DNAH7: variants seen among roughly 807,000 people sequenced by gnomAD.
DNAH7 encodes the protein axonemal beta dynein heavy chain 7.
DNAH7 carries 397 observed loss-of-function variants against 444.6 expected under a neutral mutation model. The ratio of observed to expected loss-of-function variants is 0.89; its 90% CI spans 0.82 to 0.97. The LOEUF is 0.97. Among genes scored for constraint, DNAH7 ranks in the 50% least tolerant of loss-of-function variants. DNAH7 has a pLI of 0.00. For synonymous variants in DNAH7, 1,636 were observed against 1,624.4 expected (o/e 1.01, Z -0.17); for missense variants, 4,902 against 4,800.8 (o/e 1.02, Z -0.62).
rs1702423523 is a variant in DNAH7 at position 195,897,866 on chromosome 2, A to G, written c.4549-101T>C. On this transcript the variant is annotated intron_variant, in intron 28 of 64. Coordinates refer to ENST00000312428, the MANE Select transcript of DNAH7 (RefSeq NM_018897.3). ...CACAAACCTACAGACCCTGTAACTC[A>G]GTTTAAACAAATGCAGCTCTTCTTT... 28 of 523,284 alleles carry G rather than the reference A, an allele frequency of 5.4e-5. No individual in the cohort carries two copies. The South Asian group carries it at 1.0e-3, about 19-fold the overall frequency. The allele number at this position is 523,284 out of a possible 1,614,324, so 32.4% of individuals were successfully genotyped here.
intron 37 of DNAH7, 85 bp from the exon 38 acceptor site, chr2:195,875,928 T>A: frequency 7.8e-7 from 1 of 1,278,080 alleles, no homozygotes; most frequent in Non-Finnish European, 1.1e-6. Context: ...AGGCAAATAC[T>A]TAGCTATCTA....
rs1395113636 is a variant in DNAH7 at position 195,855,983 on chromosome 2, T to C, written c.8423A>G (p.Lys2808Arg). 6.2e-7 allele frequency: 1 copy of C among 1,608,630 alleles called. No individual in the cohort carries two copies. The highest frequency in any genetic ancestry group is 8.5e-7 in the Non-Finnish European group (1 of 1,178,116). The part of the protein sequence containing the change: ...IAMDSYDKVA[K>R]IVAPKKIKLA... ...TTTTATCTTTTTGGGAGCTACTATT[T>C]TTGCCACTCTGCAAAAAGTAAAATT... The change falls in exon 45 of 65, where the codon AAA (lysine) becomes AGA (arginine). Residue 2808 changes from lysine (K) to arginine (R), a missense_variant. Physicochemically the swap from Lys to Arg is conservative, Grantham distance 26. Transcript: ENST00000312428.
rs1283252901 is a variant in DNAH7, at chr2:195,957,454, A to G, written c.2892-7T>C. 2 of 1,518,540 alleles carry G rather than the reference A, an allele frequency of 1.3e-6. No homozygotes were observed. Among genetic ancestry groups the G allele is most frequent in the African/African-American group, 2.8e-5 (2 of 72,716 alleles). 94.1% of individuals were successfully genotyped at this position (1,518,540 alleles called of 1,614,324 possible). On this transcript the variant is annotated splice_region_variant and splice_polypyrimidine_tract_variant and intron_variant, in intron 18 of 64. Coordinates refer to ENST00000312428, the MANE Select transcript of DNAH7 (RefSeq NM_018897.3). ...GAGCTTGCCCTCCCATTCTCTGAGG[A>G]GCAAAACACAGTGGCTCTTACTGAC...
At chr2:196,054,524 A>C (rs549873342) in intron 2 of DNAH7, among the ~76,000 whole-genome samples, 1 of 152,196 alleles carries the variant, frequency 6.6e-6, no homozygotes, top group African/African-American at 2.4e-5. Flanking sequence ...CTGTCTTTAA[A>C]TAAATAAAAT....
rs1367581688 is a variant in DNAH7 at position 195,778,639 on chromosome 2, AAT to A, written c.10879-656_10879-655del. Among the ~76,000 whole-genome samples the A allele has an allele frequency of 7.7e-3, 399 of 51,680 alleles. 71 individuals carry two copies. The highest frequency in any genetic ancestry group is 0.01 in the Non-Finnish European group (309 of 29,992). 33.9% of individuals were successfully genotyped at this position (51,680 alleles called of 152,430 possible). A position where few individuals can be genotyped will look rare whatever the true frequency, so the allele number is the denominator to read the frequency against. On this transcript the variant is annotated intron_variant, in intron 58 of 64. Coordinates refer to ENST00000312428, the MANE Select transcript of DNAH7 (RefSeq NM_018897.3). ...GTCTGAAAAAAAAAAAAAATAAATA[AAT>A]AAATATATATATATATATATATATA...
chr2:195,979,004 C>T (rs1692386227), intron 15 of DNAH7, among the ~76,000 whole-genome samples: 1 of 151,666 alleles, frequency 6.6e-6, no homozygotes, highest in Non-Finnish European at 1.5e-5. Context: ...TTTCAACATT[C>T]ATACAAAACA....
chr2:195,891,863 A>C, intron 30 of DNAH7, 59 bp from the exon 31 acceptor site: 12 of 1,290,108 alleles, frequency 9.3e-6, no homozygotes, highest in Non-Finnish European at 1.2e-5. Flanking sequence ...TTCATAGAAA[A>C]CATTATTGCA....
intron 54 of DNAH7, among the ~76,000 whole-genome samples, chr2:195,805,358 TA>T (rs1306559998): frequency 1.3e-5 from 2 of 152,104 alleles, no homozygotes; most frequent in Non-Finnish European, 2.9e-5. Flanking sequence ...AAAATTTTAA[TA>T]AAATGTTTTA....
rs375380308 is a variant in DNAH7 at position 195,872,404 on chromosome 2, T to C, written c.6479A>G (p.Tyr2160Cys). The change falls in exon 40 of 65, where the codon TAT becomes TGT. Residue 2160 changes from tyrosine (Y) to cysteine (C), a missense_variant. By Grantham distance (194) the Tyr-to-Cys change is radical. Coordinates refer to ENST00000312428, the MANE Select transcript of DNAH7 (RefSeq NM_018897.3). ...CAAGAGATTCTTCATTGCTTCTTTA[T>C]ACAGAGTCATTGTGCCATTTACGAT... ...TQIVNGTMTL[Y>C]KEAMKNLLPT... The C allele has an allele frequency of 6.2e-7, 1 of 1,613,912 alleles. No individual in the cohort carries two copies. The highest frequency in any genetic ancestry group is 1.3e-5 in the African/African-American group (1 of 75,056).
chr2:195,886,149 A>G lies in DNAH7; in HGVS notation c.5530T>C (p.Leu1844=). The change falls in exon 34 of 65, where the codon TTG becomes CTG. Residue 1844 remains leucine (L), a synonymous_variant. Transcript: ENST00000312428. ...AAGGCAACGGACCTTACCTCAAGCA[A>G]AGAGTAAGTTTCTCGATCATTTCTC... ...KERNDRETYS[L]LEGIFLFSLI... 1 of 1,612,926 alleles carries G rather than the reference A, an allele frequency of 6.2e-7. No homozygotes were observed. The highest frequency in any genetic ancestry group is 8.5e-7 in the Non-Finnish European group (1 of 1,179,552).
chr2:195,842,616 T>G (rs112484031), intron 47 of DNAH7, among the ~76,000 whole-genome samples: 1 of 152,172 alleles, frequency 6.6e-6, no homozygotes. Flanking sequence ...CTTAGTATAG[T>G]TGCTACCACA....
rs895715281 is a variant in DNAH7 at position 195,900,380 on chromosome 2, T to A, written c.4450A>T (p.Thr1484Ser). 3 of 1,614,052 alleles carry A rather than the reference T, an allele frequency of 1.9e-6. No homozygotes were observed. The highest frequency in any genetic ancestry group is 2.5e-6 in the Non-Finnish European group (3 of 1,179,942). Residue 1484 changes from threonine to serine, a missense_variant, in exon 28 of 65, where the codon ACG becomes TCG. Thr to Ser is a moderately conservative substitution (Grantham distance 58). Transcript: ENST00000312428. The part of the protein sequence containing the change: ...ARPLSVKIVA[T>S]YRLCSEQLSS... ...AGCTGCTCTGAACACAAGCGATACG[T>A]AGCCACAATTTTTACAGACAGTGGT...
intron 48 of DNAH7, among the ~76,000 whole-genome samples, chr2:195,828,608 ATATTTTTT>A (rs1476554543): frequency 9.5e-6 from 1 of 105,286 alleles, no homozygotes; most frequent in Admixed American, 9.9e-5. Context: ...ATATATATAT[ATATTTTTT>A]TTTTTTTTTT....
At chr2:195,781,405 C>T (rs1695366752) in intron 58 of DNAH7, among the ~76,000 whole-genome samples, 3 of 152,122 alleles carry the variant, frequency 2.0e-5, no homozygotes, top group Admixed American at 6.5e-5. Flanking sequence ...TAAATGCTAT[C>T]TGTTGTTTCT....
chr2:195,936,587 T>C lies in DNAH7; in HGVS notation c.3272+12A>G. ...TAAATTTAGTCATGTATTCTACATG[T>C]AAATTACTTACCTAGTGGGATCTTT... On this transcript the variant is annotated intron_variant, in intron 20 of 64. Coordinates refer to ENST00000312428, the MANE Select transcript of DNAH7 (RefSeq NM_018897.3). 1 of 1,563,608 alleles carries C rather than the reference T, an allele frequency of 6.4e-7. No homozygotes were observed. Among genetic ancestry groups the C allele is most frequent in the South Asian group, 1.3e-5 (1 of 79,428 alleles).
At chr2:195,832,980 T>C (rs1233342973) in intron 48 of DNAH7, among the ~76,000 whole-genome samples, 1 of 152,212 alleles carries the variant, frequency 6.6e-6, no homozygotes, top group African/African-American at 2.4e-5. Context: ...ATGGGGAAAC[T>C]GAGTCTCAGG....
At chr2:195,777,532 C>A (rs1695116665) in intron 59 of DNAH7, among the ~76,000 whole-genome samples, 1 of 152,014 alleles carries the variant, frequency 6.6e-6, no homozygotes, top group African/African-American at 2.4e-5. Context: ...GTCTTTTTAG[C>A]CAAAGGACTG....
rs1369678802 is a variant in DNAH7, at chr2:195,972,328, G to A, written c.1972C>T (p.Gln658Ter). 1.2e-6 allele frequency: 2 copies of A among 1,613,918 alleles called. No homozygotes were observed. The highest frequency in any genetic ancestry group is 8.5e-7 in the Non-Finnish European group (1 of 1,179,964). The change falls in exon 16 of 65, where the codon CAG (glutamine) becomes TAG (stop). Residue 658 changes from glutamine to a stop codon, truncating the protein, a stop_gained. Coordinates refer to ENST00000312428, the MANE Select transcript of DNAH7 (RefSeq NM_018897.3). LOFTEE classifies it high-confidence loss of function. ...ATTTCTCCCATCCTTCCATACCACTGGAAAACACTATTATTTAGCCTCATG... is the reference window on the plus strand; with the variant it reads ...ATTTCTCCCATCCTTCCATACCACTAGAAAACACTATTATTTAGCCTCATG... ...ADMRLNNSVF[Q>*]WYGRMGEIFE...
intron 63 of DNAH7, among the ~76,000 whole-genome samples, chr2:195,750,118 G>T (rs144434794): frequency 1.3e-5 from 2 of 152,108 alleles, no homozygotes; most frequent in African/African-American, 4.8e-5. Flanking sequence ...CACTAAATAG[G>T]CTTTATGGAT....
Sources: allele counts gnomAD v4.1 joint callset (sites outside exome capture counted in the v4.1 genomes callset), GRCh38; gene constraint gnomAD v4.1.1; transcripts MANE v1.5; gene names NCBI Gene and HGNC (gene_info 2026-07-23, HGNC 2026-07-21).